Variants in NR3C1 observed in about 807,000 individuals in gnomAD.
NR3C1 encodes the protein nuclear receptor subfamily 3 group C member 1.
A neutral mutation model predicts 74.0 loss-of-function variants in NR3C1; 14 were observed. The observed-to-expected ratio is 0.19, with a 90% confidence interval of 0.12 to 0.30. The LOEUF (loss-of-function observed/expected upper bound fraction) is 0.30, where lower values mean the gene tolerates loss of function less well. NR3C1 is among the 10% of genes least tolerant of loss of function. The pLI is 1.00. For missense variants in NR3C1, 695 were observed against 909.8 expected (o/e 0.76, Z 3.04); for synonymous variants, 308 against 332.5 (o/e 0.93, Z 0.80).
At chr5:143,331,948 G>A (rs1389327637) in intron 2 of NR3C1, among the ~76,000 whole-genome samples, 2 of 152,066 alleles carry the variant, frequency 1.3e-5, no homozygotes, top group Non-Finnish European at 2.9e-5. Flanking sequence ...TAACAAAAAA[G>A]AATTGCAGGG....
chr5:143,333,338 G>T, intron 2 of NR3C1: 1 of 658,540 alleles, frequency 1.5e-6, no homozygotes, highest in Non-Finnish European at 2.7e-6. Context: ...TAGTATTTAA[G>T]AGTAACCTTG....
intron 2 of NR3C1, among the ~76,000 whole-genome samples, chr5:143,387,495 T>C (rs1217962623): frequency 1.3e-5 from 2 of 152,206 alleles, no homozygotes; most frequent in Non-Finnish European, 2.9e-5. Context: ...TTTAAGATTG[T>C]TGTCTCCTAA....
At chr5:143,404,479 A>C (rs1016976813), upstream of NR3C1, 26 of 984,630 alleles carry the variant, frequency 2.6e-5, no homozygotes, top group Non-Finnish European at 3.0e-5. Flanking sequence ...CTGGGAGAGA[A>C]GTTGCAAAGC....
chr5:143,355,269 C>T (rs1395001611), intron 2 of NR3C1, among the ~76,000 whole-genome samples: 1 of 152,122 alleles, frequency 6.6e-6, no homozygotes. Context: ...ATTTGGAGGG[C>T]TTTACTAAAA....
intron 2 of NR3C1, among the ~76,000 whole-genome samples, chr5:143,372,861 T>C (rs61752264): frequency 3.9e-5 from 6 of 152,350 alleles, no homozygotes; most frequent in Non-Finnish European, 7.3e-5. Flanking sequence ...TTTTATTCAG[T>C]ACCAGAAAAG....
intron 2 of NR3C1, among the ~76,000 whole-genome samples, chr5:143,356,151 T>A (rs897170188): frequency 6.6e-6 from 1 of 152,312 alleles, no homozygotes; most frequent in East Asian, 1.9e-4. Context: ...TAGCCCTCAA[T>A]AGACAAACTT....
At chr5:143,317,244 C>T (rs1342963876) in intron 2 of NR3C1, among the ~76,000 whole-genome samples, 1 of 152,050 alleles carries the variant, frequency 6.6e-6, no homozygotes, top group Non-Finnish European at 1.5e-5. Flanking sequence ...GGTTAGAACT[C>T]AAGAGAAAAC....
intron 2 of NR3C1, among the ~76,000 whole-genome samples, chr5:143,344,018 T>C (rs901830396): frequency 2.0e-5 from 3 of 152,240 alleles, no homozygotes; most frequent in Non-Finnish European, 4.4e-5. Context: ...GTCAGCTATT[T>C]TTTTTTCTAA....
chr5:143,363,649 TAAAGG>T (rs1225359641), intron 2 of NR3C1, among the ~76,000 whole-genome samples: 4 of 151,896 alleles, frequency 2.6e-5, no homozygotes, highest in South Asian at 4.2e-4. Context: ...TCTAAAGAAC[TAAAGG>T]AAAGTATAAA....
At chr5:143,339,935 C>T (rs1398818493) in intron 2 of NR3C1, among the ~76,000 whole-genome samples, 1 of 151,704 alleles carries the variant, frequency 6.6e-6, no homozygotes, top group African/African-American at 2.4e-5. Context: ...GAATGGAGTC[C>T]CAGAAGGGGA....
At chr5:143,410,335 G>A (rs559837453) in intron 1 of NR3C1, among the ~76,000 whole-genome samples, 2 of 152,078 alleles carry the variant, frequency 1.3e-5, no homozygotes, top group East Asian at 3.9e-4. Context: ...GTTTTGTTTT[G>A]TTTTTAAGCT....
chr5:143,366,750 G>A (rs1247143259), intron 2 of NR3C1, among the ~76,000 whole-genome samples: 2 of 151,998 alleles, frequency 1.3e-5, no homozygotes, highest in African/African-American at 4.8e-5. Flanking sequence ...TGTCAAAAAT[G>A]ACTCAAGGAG....
chr5:143,326,593 T>C (rs1302365323), intron 2 of NR3C1, among the ~76,000 whole-genome samples: 1 of 152,218 alleles, frequency 6.6e-6, no homozygotes, highest in Non-Finnish European at 1.5e-5. Context: ...TTTTTGCCCT[T>C]AGAGGAACTC....
At position 143,296,262 on chromosome 5, in the gene NR3C1, T is replaced by A. The variant is rs1817164103; in HGVS notation, c.1893-672A>T. The stretch of plus-strand genomic sequence containing the variant: ...GAAACTGGGCCCAGTTCACAGCTTT[T>A]AAAATGCTTCAAGATTTTTTTTTTT... On this transcript the variant is annotated intron_variant, in intron 6 of 8. Transcript: ENST00000394464. 2.0e-5 allele frequency among the ~76,000 whole-genome samples: 3 copies of A among 151,608 alleles called. No individual in the cohort carries two copies. The South Asian group carries it at 6.3e-4, about 32-fold the overall frequency.
chr5:143,373,631 T>C (rs747019126), intron 2 of NR3C1, among the ~76,000 whole-genome samples: 7 of 152,114 alleles, frequency 4.6e-5, no homozygotes, highest in Non-Finnish European at 1.0e-4. Context: ...AAAGACTACA[T>C]TTAATGTGAT....
At chr5:143,391,499 G>C (rs1838213378) in intron 2 of NR3C1, among the ~76,000 whole-genome samples, 1 of 151,754 alleles carries the variant, frequency 6.6e-6, no homozygotes, top group Non-Finnish European at 1.5e-5. Context: ...CAATGACAAA[G>C]AATCTTTGCA....
chr5:143,308,287 C>T (rs888728774), intron 4 of NR3C1, among the ~76,000 whole-genome samples: 2 of 152,086 alleles, frequency 1.3e-5, no homozygotes, highest in East Asian at 3.9e-4. Context: ...TAGCAAGACC[C>T]CTTTGTCTCT....
At chr5:143,341,494 T>C (rs974776838) in intron 2 of NR3C1, among the ~76,000 whole-genome samples, 1 of 152,206 alleles carries the variant, frequency 6.6e-6, no homozygotes, top group Admixed American at 6.5e-5. Flanking sequence ...GAAATACATC[T>C]ACCACTGGTC....
chr5:143,331,569 T>C (rs2151701079), intron 2 of NR3C1, among the ~76,000 whole-genome samples: 1 of 152,182 alleles, frequency 6.6e-6, no homozygotes, highest in East Asian at 1.9e-4. Flanking sequence ...AAAGAAAATG[T>C]GGTACATATA....
Sources: gnomAD v4.1 joint callset for allele counts (sites outside exome capture counted in the v4.1 genomes callset) on GRCh38, gnomAD v4.1.1 for gene constraint, MANE v1.5 for transcripts, NCBI Gene and HGNC (gene_info 2026-07-23, HGNC 2026-07-21) for gene names.